The following SOX5 variants were observed in gnomAD, a reference collection of about 807,000 sequenced individuals.
The protein encoded by SOX5 is SRY-box transcription factor 5.
Under a neutral mutation model 92.0 loss-of-function variants are expected in SOX5, and 9 were observed. That is an observed-to-expected ratio of 0.10 (90% CI 0.06 to 0.17). The LOEUF (loss-of-function observed/expected upper bound fraction) is 0.17. Ranked by LOEUF, SOX5 falls within the 10% of genes least tolerant of loss-of-function variation. SOX5 has a pLI of 1.00. For missense variants in SOX5, 642 were observed against 944.5 expected (o/e 0.68, Z 4.20); for synonymous variants, 344 against 336.3 (o/e 1.02, Z -0.25).
At chr12:23,784,295 G>A (rs892421601) in intron 3 of SOX5, among the ~76,000 whole-genome samples, 13 of 151,830 alleles carry the variant, frequency 8.6e-5, no homozygotes, top group Admixed American at 2.0e-4. Context: ...CCTATGGATG[G>A]TTCTTTGATT....
intron 10 of SOX5, among the ~76,000 whole-genome samples, chr12:23,566,811 C>T (rs915220393): frequency 1.3e-5 from 2 of 152,126 alleles, no homozygotes; most frequent in Non-Finnish European, 2.9e-5. Context: ...TATAAAATGG[C>T]ATAGTAAAAT....
At chr12:24,240,007 C>G (rs1965264330) in intron 3 of SOX5, among the ~76,000 whole-genome samples, 1 of 152,052 alleles carries the variant, frequency 6.6e-6, no homozygotes, top group Admixed American at 6.6e-5. Context: ...ATGTATGTAT[C>G]TTTTTACATA....
chr12:24,220,992 A>AT (rs1036930365), intron 3 of SOX5, among the ~76,000 whole-genome samples: 1 of 152,194 alleles, frequency 6.6e-6, no homozygotes, highest in African/African-American at 2.4e-5. Context: ...TGAAGTGCCC[A>AT]TGGTTAACTC....
At chr12:24,450,828 CTT>C (rs1008255086) in intron 1 of SOX5, among the ~76,000 whole-genome samples, 290 of 152,256 alleles carry the variant, frequency 1.9e-3, no homozygotes, top group African/African-American at 6.4e-3. Context: ...CAATTATACT[CTT>C]TTAGTTGTCT....
At chr12:23,768,797 G>A (rs988950800) in intron 3 of SOX5, among the ~76,000 whole-genome samples, 2 of 151,922 alleles carry the variant, frequency 1.3e-5, no homozygotes, top group Non-Finnish European at 2.9e-5. Context: ...GATCTTTATT[G>A]CTTGACAGGG....
intron 8 of SOX5, among the ~76,000 whole-genome samples, chr12:23,619,133 TCTTA>T (rs1030816950): frequency 7.9e-5 from 12 of 152,174 alleles, no homozygotes; most frequent in African/African-American, 2.7e-4. Context: ...CGGATTCCGC[TCTTA>T]CTTTTTTCTT....
intron 8 of SOX5, 55 bp from the exon 9 acceptor site, chr12:23,604,588 C>A: frequency 1.9e-6 from 3 of 1,540,296 alleles, no homozygotes; most frequent in Non-Finnish European, 2.7e-6. Context: ...ATAAAATAAA[C>A]GTACCATTCA....
chr12:24,390,313 C>T (rs1357522677), intron 1 of SOX5, among the ~76,000 whole-genome samples: 1 of 152,180 alleles, frequency 6.6e-6, no homozygotes, highest in Admixed American at 6.5e-5. Context: ...AAGGTGACAA[C>T]ACCTCTTGCT....
intron 6 of SOX5, among the ~76,000 whole-genome samples, chr12:23,710,605 G>A (rs1407672601): frequency 2.0e-5 from 3 of 152,184 alleles, no homozygotes; most frequent in Admixed American, 1.3e-4. Context: ...ATTCCATGGT[G>A]TATATGTGCC....
At chr12:24,297,453 A>T (rs1947400507) in intron 2 of SOX5, among the ~76,000 whole-genome samples, 1 of 152,232 alleles carries the variant, frequency 6.6e-6, no homozygotes, top group Non-Finnish European at 1.5e-5. Context: ...ACGGAAATGG[A>T]ATTTCATTAA....
intron 3 of SOX5, among the ~76,000 whole-genome samples, chr12:24,228,694 C>T (rs1373928164): frequency 6.6e-6 from 1 of 152,106 alleles, no homozygotes; most frequent in African/African-American, 2.4e-5. Flanking sequence ...GTCTCTCTCA[C>T]ACATGCATGC....
chr12:24,141,583 GACGTTCTGCT>G (rs995652042), intron 4 of SOX5, among the ~76,000 whole-genome samples: 2 of 152,202 alleles, frequency 1.3e-5, no homozygotes, highest in African/African-American at 4.8e-5. Flanking sequence ...GGAGCCAAAT[GACGTTCTGCT>G]CAGTTCAAGA....
chr12:24,486,050 C>A (rs1458675001), intron 1 of SOX5, among the ~76,000 whole-genome samples: 2 of 152,032 alleles, frequency 1.3e-5, no homozygotes, highest in Non-Finnish European at 2.9e-5. Flanking sequence ...TCTCCTAGGC[C>A]CAAGCCATCC....
At chr12:23,976,398 C>CAAAAAAAAAAAAAAAAAAAAAAAAAAAA (rs139277769) in intron 4 of SOX5, among the ~76,000 whole-genome samples, 1 of 106,776 alleles carries the variant, frequency 9.4e-6, no homozygotes, top group African/African-American at 3.8e-5. Context: ...ATTAAAAAAA[C>CAAAAAAAAAAAAAAAAAAAAAAAAAAAA]AAAAAAACAA....
chr12:23,640,506 T>C (rs963150779), intron 8 of SOX5, among the ~76,000 whole-genome samples: 3 of 152,164 alleles, frequency 2.0e-5, no homozygotes, highest in African/African-American at 7.2e-5. Flanking sequence ...TTGTTCTTTT[T>C]ACCTTGATAA....
intron 10 of SOX5, among the ~76,000 whole-genome samples, chr12:23,565,410 T>C (rs1476858372): frequency 1.3e-5 from 2 of 152,208 alleles, no homozygotes; most frequent in African/African-American, 4.8e-5. Flanking sequence ...CCCCTGTTTA[T>C]ACACAACCTG....
chr12:24,174,388 G>C (rs573068177), intron 4 of SOX5, among the ~76,000 whole-genome samples: 1 of 152,240 alleles, frequency 6.6e-6, no homozygotes, highest in Admixed American at 6.5e-5. Flanking sequence ...TAGCTGCTTT[G>C]TTTTCTTACT....
chr12:24,175,311 AAAGAG>A (rs755322489), intron 4 of SOX5, among the ~76,000 whole-genome samples: 18 of 152,250 alleles, frequency 1.2e-4, no homozygotes, highest in Non-Finnish European at 2.1e-4. Context: ...GAACCCCATA[AAAGAG>A]AAAAGCAACC....
intron 4 of SOX5, among the ~76,000 whole-genome samples, chr12:24,073,550 T>C (rs1437100688): frequency 2.0e-5 from 3 of 152,232 alleles, no homozygotes; most frequent in Admixed American, 1.3e-4. Context: ...AACTTACTGT[T>C]GCTCTAAAGA....
Sources: allele counts gnomAD v4.1 joint callset (sites outside exome capture counted in the v4.1 genomes callset), GRCh38; gene constraint gnomAD v4.1.1; transcripts MANE v1.5; gene names NCBI Gene and HGNC (gene_info 2026-07-23, HGNC 2026-07-21).